AK4: variants seen among roughly 807,000 people sequenced by gnomAD.
AK4 encodes the protein adenylate kinase 4.
In AK4, 13 loss-of-function variants were observed where a neutral mutation model predicts 24.6. The ratio of observed to expected loss-of-function variants is 0.53; its 90% CI spans 0.34 to 0.84. The LOEUF is 0.84. AK4 is among the 40% of genes least tolerant of loss of function. The probability of loss-of-function intolerance (pLI) is 0.01; values close to 1 mark genes in which losing one functional copy is unlikely to be tolerated. For missense variants in AK4, 192 were observed against 288.2 expected, an observed-to-expected ratio of 0.67 and a Z score of 2.42; for synonymous variants, 88 against 107.0, an observed-to-expected ratio of 0.82 and a Z score of 1.10.
In AK4 at chr1:65,227,578, GC is replaced by G. The variant is rs1652504004; in HGVS notation, c.*1403del. 1 of 145,144 alleles carries G rather than the reference GC, an allele frequency of 6.9e-6. No homozygotes were observed. The highest frequency in any genetic ancestry group is 1.5e-5 in the Non-Finnish European group (1 of 65,886). 9.0% of individuals were successfully genotyped at this position (145,144 alleles called of 1,614,324 possible). On this transcript the variant is annotated 3_prime_UTR_variant, in exon 5 of 5. Coordinates refer to ENST00000327299, the MANE Select transcript of AK4 (RefSeq NM_013410.4). ...AAGGATGATGAAATTTATTCCTGCT[GC>G]CTTAAAAATATGTATCCCTTCTTCA...
intron 1 of AK4, among the ~76,000 whole-genome samples, chr1:65,175,105 C>G (rs1038562381): frequency 9.8e-5 from 15 of 152,314 alleles, no homozygotes; most frequent in Non-Finnish European, 4.4e-5. Flanking sequence ...TTGACAACCC[C>G]TGGTCCAGTA....
rs373247526 is a variant in AK4 at position 65,154,521 on chromosome 1, C to A, written c.145+5969C>A. The A allele has an allele frequency of 1.1e-5, 6 of 526,914 alleles. No individual in the cohort carries two copies. In the East Asian group the frequency reaches 3.1e-4, roughly 27 times the overall value. 32.6% of individuals were successfully genotyped at this position (526,914 alleles called of 1,614,324 possible). A position where few individuals can be genotyped will look rare whatever the true frequency, so the allele number is the denominator to read the frequency against. On this transcript the variant is annotated intron_variant, in intron 1 of 4. Transcript: ENST00000327299. ...TGTACTGGAGCCACTGCTGAAAATT[C>A]AGCCAGGGTTCTCGCTCTTGTCGCG...
intron 1 of AK4, among the ~76,000 whole-genome samples, chr1:65,165,561 GAA>G (rs56293121): frequency 0.084 from 11,317 of 134,438 alleles, 605 homozygotes; most frequent in Admixed American, 0.23. Flanking sequence ...CCCATGTCTG[GAA>G]AAAAAAAAAA....
At position 65,221,432 on chromosome 1, in the gene AK4, T is replaced by C. The variant is rs1229368404; in HGVS notation, c.438+2506T>C. 1.3e-5 allele frequency among the ~76,000 whole-genome samples: 2 copies of C among 152,226 alleles called. 1 individual carries two copies. The highest frequency in any genetic ancestry group is 3.8e-4 in the East Asian group (2 of 5,196). Reference sequence around the variant, plus strand: ...TTCACTAAGCACTCCTTTTGAAGTCTTCTTTTAAAAATGTAAAAGCAGGCC... The same window carrying C: ...TTCACTAAGCACTCCTTTTGAAGTCCTCTTTTAAAAATGTAAAAGCAGGCC... On this transcript the variant is annotated intron_variant, in intron 3 of 4. Transcript: ENST00000327299.
At chr1:65,161,673 T>C (rs1410553558) in intron 1 of AK4, among the ~76,000 whole-genome samples, 2 of 152,238 alleles carry the variant, frequency 1.3e-5, no homozygotes, top group Admixed American at 6.5e-5. Flanking sequence ...ATAATTTCAG[T>C]TATTGTCTGT....
rs1467592492 is a variant in AK4 at position 65,156,651 on chromosome 1, C to T, written c.145+8099C>T. On this transcript the variant is annotated intron_variant, in intron 1 of 4. Coordinates refer to ENST00000327299, the MANE Select transcript of AK4 (RefSeq NM_013410.4). ...TAAAATTTAGAAAATTTGCCGGGCT[C>T]GGTGGCTCATGCCTGTAATCCCAGC... 3.9e-5 allele frequency among the ~76,000 whole-genome samples: 6 copies of T among 151,914 alleles called. No homozygotes were observed. In the East Asian group the frequency reaches 7.7e-4, roughly 20 times the overall value.
chr1:65,176,238 G>A (rs527517409), intron 1 of AK4, among the ~76,000 whole-genome samples: 4 of 152,170 alleles, frequency 2.6e-5, no homozygotes, highest in African/African-American at 9.6e-5. Context: ...CCAAAGTCAT[G>A]GCTGTTGTCC....
intron 1 of AK4, among the ~76,000 whole-genome samples, chr1:65,155,207 T>C (rs1436967290): frequency 6.6e-6 from 1 of 152,162 alleles, no homozygotes; most frequent in East Asian, 1.9e-4. Flanking sequence ...CTTGGTAGTT[T>C]ATAGGTGCTA....
intron 1 of AK4, among the ~76,000 whole-genome samples, chr1:65,155,431 C>G (rs1649945784): frequency 6.6e-6 from 1 of 151,998 alleles, no homozygotes; most frequent in Non-Finnish European, 1.5e-5. Flanking sequence ...TGAGATTGCG[C>G]CACTGTACTC....
intron 1 of AK4, among the ~76,000 whole-genome samples, chr1:65,162,677 C>CA (rs202226743): frequency 1.2e-3 from 168 of 137,730 alleles, no homozygotes; most frequent in South Asian, 0.01. Context: ...ACCAACTCTA[C>CA]AAAAAAAAAA....
intron 1 of AK4, among the ~76,000 whole-genome samples, chr1:65,149,294 C>T (rs1253195768): frequency 6.6e-6 from 1 of 152,236 alleles, no homozygotes; most frequent in Non-Finnish European, 1.5e-5. Flanking sequence ...GAGATGCCTC[C>T]TTTGGCTGGC....
intron 2 of AK4, among the ~76,000 whole-genome samples, chr1:65,211,390 T>C (rs1322645777): frequency 6.6e-6 from 1 of 152,216 alleles, no homozygotes; most frequent in East Asian, 1.9e-4. Flanking sequence ...TCTCAAGTCG[T>C]TTTGTAAGCT....
chr1:65,187,834 G>C (rs1570105098), intron 1 of AK4, among the ~76,000 whole-genome samples: 1 of 152,182 alleles, frequency 6.6e-6, no homozygotes, highest in African/African-American at 2.4e-5. Context: ...TATGGAGTAT[G>C]TAGCCAATAA....
intron 2 of AK4, among the ~76,000 whole-genome samples, chr1:65,193,686 G>A (rs529132894): frequency 1.3e-5 from 2 of 152,328 alleles, no homozygotes; most frequent in African/African-American, 2.4e-5. Context: ...CCCCACGGTC[G>A]GCCCTGTGGA....
intron 1 of AK4, among the ~76,000 whole-genome samples, chr1:65,166,309 GCTGT>G (rs1409466127): frequency 2.3e-5 from 2 of 87,104 alleles, no homozygotes; most frequent in African/African-American, 8.4e-5. Context: ...TGGGATTTAA[GCTGT>G]GTGTGTGTGT....
intron 1 of AK4, among the ~76,000 whole-genome samples, chr1:65,151,040 G>C (rs921564485): frequency 1.3e-5 from 2 of 151,892 alleles, no homozygotes; most frequent in African/African-American, 4.8e-5. Flanking sequence ...TGCAACCTCT[G>C]CCTCCCGGGT....
At chr1:65,166,578 A>G (rs1650337181) in intron 1 of AK4, among the ~76,000 whole-genome samples, 2 of 152,158 alleles carry the variant, frequency 1.3e-5, no homozygotes, top group African/African-American at 4.8e-5. Context: ...GGAGGAGTAC[A>G]GTGGTGTGAT....
rs371300792 is a variant in AK4, at chr1:65,224,748, G to T, written c.439-4G>T. On this transcript the variant is annotated splice_polypyrimidine_tract_variant and splice_region_variant and intron_variant, in intron 3 of 4. Coordinates refer to ENST00000327299, the MANE Select transcript of AK4 (RefSeq NM_013410.4). Reference sequence around the variant, plus strand: ...ATATTAATTGGTTTATTTGGTATTTGTAGGGTATTGATGACGTCACTGGTG... The same window carrying T: ...ATATTAATTGGTTTATTTGGTATTTTTAGGGTATTGATGACGTCACTGGTG... 39 of 1,609,728 alleles carry T rather than the reference G, an allele frequency of 2.4e-5. No homozygotes were observed. Among genetic ancestry groups the T allele is most frequent in the Admixed American group, 1.2e-4 (7 of 59,978 alleles).
In AK4 at chr1:65,224,862, A is replaced by G; in HGVS notation, c.549A>G (p.Glu183=). 2.5e-6 allele frequency: 4 copies of G among 1,612,150 alleles called. No individual in the cohort carries two copies. The highest frequency in any genetic ancestry group is 3.4e-6 in the Non-Finnish European group (4 of 1,178,298). The change falls in exon 4 of 5, where the codon GAA becomes GAG. Residue 183 remains glutamate, a synonymous_variant. Coordinates refer to ENST00000327299, the MANE Select transcript of AK4 (RefSeq NM_013410.4). ...AAGACGTGGCAAAGCCAGTCATTGA[A>G]TTATACAAGTGAGTGTGCTTCAATA... ...QYKDVAKPVI[E]LYKSRGVLHQ... is the part of the protein sequence containing the mutation.
Sources: gnomAD v4.1 joint callset for allele counts (sites outside exome capture counted in the v4.1 genomes callset) on GRCh38, gnomAD v4.1.1 for gene constraint, MANE v1.5 for transcripts, NCBI Gene and HGNC (gene_info 2026-07-23, HGNC 2026-07-21) for gene names.